Variants in GSE1 observed in about 807,000 individuals in gnomAD.
GSE1 encodes Gse1 coiled-coil protein, also known as genetic suppressor element 1.
GSE1 carries 32 observed loss-of-function variants against 112.6 expected under a neutral mutation model. The observed-to-expected ratio is 0.28, with a 90% CI of 0.21 to 0.38. The LOEUF is 0.38. GSE1 is among the 10% of genes least tolerant of loss of function. The pLI is 1.00. For synonymous variants in GSE1, 1,115 were observed against 735.6 expected (o/e 1.52, Z -8.35); for missense variants, 2,348 against 1,699.2 (o/e 1.38, Z -6.71).
intron 1 of GSE1, among the ~76,000 whole-genome samples, chr16:85,236,787 G>A (rs975223828): frequency 6.6e-5 from 10 of 152,058 alleles, no homozygotes; most frequent in African/African-American, 2.2e-4. Context: ...AACTCCTGCT[G>A]CCTGTAATAC....
intron 2 of GSE1, among the ~76,000 whole-genome samples, chr16:85,462,882 G>A (rs1358265620): frequency 6.7e-6 from 1 of 149,558 alleles, no homozygotes; most frequent in East Asian, 2.0e-4. Context: ...CCACGCCGCG[G>A]GCAGGGCGCA....
chr16:85,171,728 G>T (rs1304729478), exon 1 of GSE1: 12 of 985,518 alleles, frequency 1.2e-5, no homozygotes, highest in Non-Finnish European at 1.4e-5. Context: ...GTGGAGTGTG[G>T]GACCCTGGTG....
intron 1 of GSE1, among the ~76,000 whole-genome samples, chr16:85,617,060 C>G (rs78463335): frequency 0.017 from 2,574 of 152,336 alleles, 30 homozygotes; most frequent in Non-Finnish European, 0.026. Flanking sequence ...ATTCTCGCCA[C>G]TCCTGCGTTT....
chr16:85,207,371 C>T lies in GSE1; in HGVS notation c.2283+35564C>T, dbSNP rs577481169. Among the ~76,000 whole-genome samples, 6 of 152,372 alleles carry T rather than the reference C, an allele frequency of 3.9e-5. No individual in the cohort carries two copies. In the South Asian group the frequency reaches 1.2e-3, roughly 32 times the overall value. On this transcript the variant is annotated intron_variant, in intron 1 of 2. Transcript: ENST00000637419. Reference sequence around the variant, plus strand: ...ACTGGGGGCCCCTGCCCGCCGCCAGCCATCCCCATCACTCAATCACCCAGC... The same window carrying T: ...ACTGGGGGCCCCTGCCCGCCGCCAGTCATCCCCATCACTCAATCACCCAGC...
At chr16:85,413,684 G>T (rs2048637151) in intron 2 of GSE1, among the ~76,000 whole-genome samples, 1 of 152,164 alleles carries the variant, frequency 6.6e-6, no homozygotes, top group South Asian at 2.1e-4. Context: ...ATTCAAAAAG[G>T]GGGTGAGGAA....
In GSE1 at chr16:85,171,547, C is replaced by T. The variant is rs571745089; in HGVS notation, c.2023C>T (p.Arg675Trp). 3 of 985,508 alleles carry T rather than the reference C, an allele frequency of 3.0e-6. No individual in the cohort carries two copies. In the South Asian group the frequency reaches 1.4e-4, roughly 46 times the overall value. 61.0% of individuals were successfully genotyped at this position (985,508 alleles called of 1,614,324 possible). The change falls in exon 1 of 3, where the codon CGG becomes TGG. Residue 675 changes from arginine (R) to tryptophan (W), a missense_variant. By Grantham distance (101) the Arg-to-Trp change is moderately radical (BLOSUM62 -3). Coordinates refer to the GSE1 transcript ENST00000637419. ...CCACCACGCTGTCAGCGCCTGGTCC[C>T]GGCAGTACCAGGTGGAGACGTTCGT...
chr16:85,590,121 CGT>C (rs1438276608), intron 1 of GSE1, among the ~76,000 whole-genome samples: 5 of 151,976 alleles, frequency 3.3e-5, no homozygotes, highest in South Asian at 4.2e-4. Flanking sequence ...TGCAATTGAA[CGT>C]GTGTGATCAT....
intron 2 of GSE1, among the ~76,000 whole-genome samples, chr16:85,642,730 A>G (rs1165477767): frequency 1.3e-5 from 2 of 152,210 alleles, no homozygotes; most frequent in African/African-American, 4.8e-5. Flanking sequence ...TCCCCTGAGC[A>G]GTTGCAGCGG....
intron 2 of GSE1, among the ~76,000 whole-genome samples, chr16:85,442,686 G>A (rs764362052): frequency 1.1e-4 from 16 of 152,174 alleles, no homozygotes; most frequent in Non-Finnish European, 2.1e-4. Flanking sequence ...TGAGCCAGGC[G>A]ACCCATCAGG....
At chr16:85,312,257 T>G (rs1324269734) in intron 1 of GSE1, among the ~76,000 whole-genome samples, 1 of 144,644 alleles carries the variant, frequency 6.9e-6, no homozygotes, top group Non-Finnish European at 1.5e-5. Context: ...CTGAGTGCCC[T>G]TAGGCTGATG....
upstream of GSE1, among the ~76,000 whole-genome samples, chr16:85,608,908 T>TA (rs2047837750): frequency 6.6e-6 from 1 of 152,220 alleles, no homozygotes; most frequent in Non-Finnish European, 1.5e-5. Flanking sequence ...TCCTACGTGC[T>TA]AGGAGCAACT....
intron 2 of GSE1, among the ~76,000 whole-genome samples, chr16:85,483,940 G>C (rs773562013): frequency 6.6e-6 from 1 of 152,204 alleles, no homozygotes; most frequent in Non-Finnish European, 1.5e-5. Flanking sequence ...CTGGGACAGT[G>C]GGGGACTTTC....
In GSE1 at chr16:85,526,708, T is replaced by C. The variant is rs181781163; in HGVS notation, c.2465-107206T>C. Among the ~76,000 whole-genome samples the C allele has an allele frequency of 2.1e-3, 318 of 152,272 alleles. 1 individual carries two copies. Among genetic ancestry groups the C allele is most frequent in the African/African-American group, 7.4e-3 (308 of 41,552 alleles). Reference sequence around the variant, plus strand: ...GCCAGCTTGGCTGCCTGTGACTGCATAAGAAAGAATTCAAACCAGCCACCT... The same window carrying C: ...GCCAGCTTGGCTGCCTGTGACTGCACAAGAAAGAATTCAAACCAGCCACCT... On this transcript the variant is annotated intron_variant, in intron 2 of 2. Coordinates refer to the GSE1 transcript ENST00000637419.
chr16:85,233,527 C>T (rs1421073277), intron 1 of GSE1, among the ~76,000 whole-genome samples: 1 of 152,178 alleles, frequency 6.6e-6, no homozygotes, highest in Non-Finnish European at 1.5e-5. Flanking sequence ...CATGTATGTT[C>T]ATGCACACAT....
chr16:85,488,413 A>T (rs968305222), intron 2 of GSE1, among the ~76,000 whole-genome samples: 4 of 152,186 alleles, frequency 2.6e-5, no homozygotes, highest in African/African-American at 9.7e-5. Flanking sequence ...TCGCACAGCC[A>T]GCACGTTACA....
intron 1 of GSE1, chr16:85,279,042 G>C (rs1427786723): frequency 1.3e-5 from 2 of 152,306 alleles, no homozygotes; most frequent in African/African-American, 4.8e-5. Context: ...AAGCTTTGGC[G>C]GTTATCGTCC....
chr16:85,186,937 C>T (rs980822056), intron 1 of GSE1, among the ~76,000 whole-genome samples: 3 of 152,188 alleles, frequency 2.0e-5, no homozygotes, highest in African/African-American at 7.2e-5. Flanking sequence ...GACGGGTGTA[C>T]CAGGGAAGTT....
At chr16:85,260,743 C>T (rs1907602416) in intron 1 of GSE1, among the ~76,000 whole-genome samples, 1 of 152,254 alleles carries the variant, frequency 6.6e-6, no homozygotes. Flanking sequence ...TGCTGTTCCC[C>T]TGCCCATGTG....
At position 85,176,753 on chromosome 16, in the gene GSE1, C is replaced by T. The variant is rs554636480; in HGVS notation, c.2283+4946C>T. 2.0e-5 allele frequency among the ~76,000 whole-genome samples: 3 copies of T among 152,376 alleles called. No individual in the cohort carries two copies. In the South Asian group the frequency reaches 6.2e-4, roughly 32 times the overall value. On this transcript the variant is annotated intron_variant, in intron 1 of 2. Transcript: ENST00000637419. ...TCCGAGCCCAGAACAGGTGTTGCTG[C>T]CGCAACCACCTTTCTTCTCTGCAGG...
Sources: allele counts gnomAD v4.1 joint callset (sites outside exome capture counted in the v4.1 genomes callset), GRCh38; gene constraint gnomAD v4.1.1; transcripts MANE v1.5; gene names NCBI Gene and HGNC (gene_info 2026-07-23, HGNC 2026-07-21).